EBF1: variants seen among roughly 807,000 people sequenced by gnomAD.
The protein encoded by EBF1 is EBF transcription factor 1, also known as transcription factor COE1.
EBF1 carries 10 observed loss-of-function variants against 68.4 expected under a neutral mutation model. The ratio of observed to expected loss-of-function variants is 0.15; its 90% CI spans 0.09 to 0.25. The LOEUF is 0.25. Ranked by LOEUF, EBF1 falls within the 10% of genes least tolerant of loss-of-function variation. The pLI is 1.00. For missense variants in EBF1, 509 were observed against 794.4 expected, an observed-to-expected ratio of 0.64 and a Z score of 4.32; for synonymous variants, 298 against 299.8, an observed-to-expected ratio of 0.99 and a Z score of 0.06.
intron 6 of EBF1, among the ~76,000 whole-genome samples, chr5:158,862,348 T>TA (rs909497124): frequency 8.6e-5 from 13 of 151,904 alleles, no homozygotes; most frequent in Non-Finnish European, 1.5e-4. Flanking sequence ...CAATGTTTAT[T>TA]AAAAAAAACA....
At chr5:158,851,584 AAAAG>A (rs1792730345) in intron 6 of EBF1, among the ~76,000 whole-genome samples, 1 of 30,346 alleles carries the variant, frequency 3.3e-5, no homozygotes, top group Non-Finnish European at 6.6e-5. Flanking sequence ...AGGGGAGGGA[AAAAG>A]GGAAGGGGAG....
At chr5:158,996,321 G>A (rs1360937998) in intron 6 of EBF1, among the ~76,000 whole-genome samples, 1 of 152,016 alleles carries the variant, frequency 6.6e-6, no homozygotes, top group Non-Finnish European at 1.5e-5. Flanking sequence ...ATACTTCCTG[G>A]GTAAATTAGT....
intron 6 of EBF1, among the ~76,000 whole-genome samples, chr5:158,938,612 G>T (rs1017975008): frequency 6.6e-6 from 1 of 152,190 alleles, no homozygotes; most frequent in Non-Finnish European, 1.5e-5. Context: ...TCTGCTGAGG[G>T]CTCTCTTCCC....
rs1312478589 is a variant in EBF1 at position 158,696,595 on chromosome 5, C to T, written c.*2516G>A. On this transcript the variant is annotated 3_prime_UTR_variant, in exon 16 of 16. Coordinates refer to ENST00000313708, the MANE Select transcript of EBF1 (RefSeq NM_024007.5). The stretch of plus-strand genomic sequence containing the variant: ...AAATTCAGATAACCTTTCTGAGTAC[C>T]GAGAAGCAATGCGTCCACCTTGCTT... 2.7e-5 allele frequency: 6 copies of T among 220,688 alleles called. No individual in the cohort carries two copies. Among genetic ancestry groups the T allele is most frequent in the South Asian group, 1.8e-4 (1 of 5,418 alleles). The allele number at this position is 220,688 out of a possible 1,614,324, so 13.7% of individuals were successfully genotyped here.
At chr5:158,931,382 T>C (rs544445662) in intron 6 of EBF1, among the ~76,000 whole-genome samples, 1 of 152,246 alleles carries the variant, frequency 6.6e-6, no homozygotes, top group East Asian at 1.9e-4. Flanking sequence ...AAAATGAAAA[T>C]TGTTTTCCTT....
intron 6 of EBF1, among the ~76,000 whole-genome samples, chr5:159,022,056 T>TA (rs10630834): frequency 0.16 from 17,384 of 105,556 alleles, 1,477 homozygotes; most frequent in Middle Eastern, 0.22. Flanking sequence ...GTCAGCACGA[T>TA]AAAAAAAAAA....
chr5:158,848,179 T>C (rs1791906290), intron 6 of EBF1, among the ~76,000 whole-genome samples: 1 of 152,196 alleles, frequency 6.6e-6, no homozygotes, highest in Non-Finnish European at 1.5e-5. Context: ...AGAGGTAAGG[T>C]AATTTGCCCA....
intron 10 of EBF1, among the ~76,000 whole-genome samples, chr5:158,774,572 T>C (rs551987427): frequency 3.3e-5 from 5 of 152,172 alleles, no homozygotes; most frequent in African/African-American, 1.2e-4. Flanking sequence ...TGAAATACTA[T>C]GGATGTTAAA....
chr5:158,886,212 T>C (rs968263149), intron 6 of EBF1, among the ~76,000 whole-genome samples: 1 of 152,266 alleles, frequency 6.6e-6, no homozygotes, highest in Non-Finnish European at 1.5e-5. Context: ...ATCAAAATGT[T>C]GCATTGGAAA....
chr5:159,058,906 T>C (rs143237697), intron 6 of EBF1, among the ~76,000 whole-genome samples: 51 of 152,318 alleles, frequency 3.3e-4, no homozygotes, highest in African/African-American at 1.2e-3. Context: ...CTAGAATTCT[T>C]TTCTGAACAG....
chr5:158,965,199 C>T (rs909492285), intron 6 of EBF1, among the ~76,000 whole-genome samples: 1 of 152,182 alleles, frequency 6.6e-6, no homozygotes, highest in Non-Finnish European at 1.5e-5. Context: ...CTAGGATCCA[C>T]CTCCATATTA....
chr5:158,980,053 C>G (rs547385149), intron 6 of EBF1, among the ~76,000 whole-genome samples: 1 of 151,982 alleles, frequency 6.6e-6, no homozygotes, highest in African/African-American at 2.4e-5. Context: ...CTTCATTAGG[C>G]AATTGAGTAG....
intron 6 of EBF1, among the ~76,000 whole-genome samples, chr5:158,991,439 T>C (rs538024674): frequency 1.3e-5 from 2 of 152,358 alleles, no homozygotes; most frequent in East Asian, 3.9e-4. Context: ...TCATATTTTA[T>C]GTAAGAGATG....
At chr5:158,752,565 A>G (rs747481701) in intron 10 of EBF1, among the ~76,000 whole-genome samples, 1 of 152,092 alleles carries the variant, frequency 6.6e-6, no homozygotes, top group Non-Finnish European at 1.5e-5. Flanking sequence ...GGAAATAAGA[A>G]CAGTCTACAA....
intron 6 of EBF1, among the ~76,000 whole-genome samples, chr5:159,072,579 T>C (rs1357676490): frequency 6.6e-6 from 1 of 152,222 alleles, no homozygotes; most frequent in Non-Finnish European, 1.5e-5. Context: ...TAGCTGACAA[T>C]TGACAGTATC....
rs190688188 is a variant in EBF1 at position 159,072,925 on chromosome 5, C to T, written c.554+471G>A. On this transcript the variant is annotated intron_variant, in intron 6 of 15. Transcript: ENST00000313708. Reference sequence around the variant, plus strand: ...AATAACAGTAGAAAATCTTGGTTCACAGATCTCTTTAAACTGCTTTTATGC... The same window carrying T: ...AATAACAGTAGAAAATCTTGGTTCATAGATCTCTTTAAACTGCTTTTATGC... Among the ~76,000 whole-genome samples the T allele has an allele frequency of 2.5e-3, 384 of 152,290 alleles. 1 individual carries two copies. Among genetic ancestry groups the T allele is most frequent in the Admixed American group, 8.0e-3 (122 of 15,300 alleles).
chr5:158,763,820 T>C (rs1772054335), intron 10 of EBF1, among the ~76,000 whole-genome samples: 1 of 152,240 alleles, frequency 6.6e-6, no homozygotes, highest in South Asian at 2.1e-4. Context: ...TGATCTGCTC[T>C]GGTTTTGTAA....
chr5:159,050,337 C>T (rs988915980), intron 6 of EBF1, among the ~76,000 whole-genome samples: 10 of 152,012 alleles, frequency 6.6e-5, no homozygotes, highest in African/African-American at 2.4e-4. Flanking sequence ...TCTCTCTTGA[C>T]TTCTACCCCT....
chr5:159,049,457 T>C (rs1418668749), intron 6 of EBF1, among the ~76,000 whole-genome samples: 1 of 152,242 alleles, frequency 6.6e-6, no homozygotes, highest in Non-Finnish European at 1.5e-5. Flanking sequence ...GTTTGAGTCT[T>C]GATTAGACAA....
Sources: gnomAD v4.1 joint callset for allele counts (sites outside exome capture counted in the v4.1 genomes callset) on GRCh38, gnomAD v4.1.1 for gene constraint, MANE v1.5 for transcripts, NCBI Gene and HGNC (gene_info 2026-07-23, HGNC 2026-07-21) for gene names.